DTNB: variants seen among roughly 807,000 people sequenced by gnomAD.
DTNB encodes the protein dystrobrevin beta.
A neutral mutation model predicts 90.7 loss-of-function variants in DTNB; 63 were observed. That is an observed-to-expected ratio of 0.69 (90% CI 0.57 to 0.86). DTNB has a LOEUF of 0.86. DTNB is among the 40% of genes least tolerant of loss of function. The pLI is 0.00. For missense variants in DTNB, 744 were observed against 807.1 expected, an observed-to-expected ratio of 0.92 and a Z score of 0.95; for synonymous variants, 277 against 286.7, an observed-to-expected ratio of 0.97 and a Z score of 0.34.
At chr2:25,535,441 C>T (rs1373858447) in intron 8 of DTNB, among the ~76,000 whole-genome samples, 2 of 149,300 alleles carry the variant, frequency 1.3e-5, no homozygotes, top group Non-Finnish European at 3.0e-5. Flanking sequence ...AGGCGCTCCT[C>T]ACCTCCCATT....
At chr2:25,392,973 G>C (rs1410646384) in intron 16 of DTNB, among the ~76,000 whole-genome samples, 1 of 152,160 alleles carries the variant, frequency 6.6e-6, no homozygotes, top group Non-Finnish European at 1.5e-5. Flanking sequence ...TATCCCTGAT[G>C]CACAAATCCT....
intron 16 of DTNB, among the ~76,000 whole-genome samples, chr2:25,402,968 A>G (rs13010028): frequency 1.3e-5 from 2 of 152,360 alleles, no homozygotes; most frequent in East Asian, 1.9e-4. Flanking sequence ...ACAAAGAACA[A>G]CCTATTAAAA....
rs555155905 is a variant in DTNB, at chr2:25,496,084, ATC to A, written c.1002-13213_1002-13212del. 3.8e-3 allele frequency among the ~76,000 whole-genome samples: 585 copies of A among 152,342 alleles called. 4 individuals are homozygous for A. The highest frequency in any genetic ancestry group is 0.013 in the African/African-American group (550 of 41,574). ...TAGAGACATGGAGAGGAAGCCAAAT[ATC>A]TCTCTAGCTCTAGAAAGGGACAGAA... On this transcript the variant is annotated intron_variant, in intron 9 of 20. Coordinates refer to ENST00000406818, the MANE Select transcript of DTNB (RefSeq NM_021907.5).
intron 8 of DTNB, among the ~76,000 whole-genome samples, chr2:25,573,504 T>C (rs1437636032): frequency 6.6e-6 from 1 of 152,204 alleles, no homozygotes; most frequent in Non-Finnish European, 1.5e-5. Flanking sequence ...TGTTTTTCCT[T>C]TCACTGCCCC....
intron 10 of DTNB, among the ~76,000 whole-genome samples, chr2:25,470,892 A>G (rs1252650530): frequency 6.8e-6 from 1 of 146,216 alleles, no homozygotes; most frequent in Non-Finnish European, 1.5e-5. Context: ...CTCTGTCACT[A>G]AAAAAAAATA....
At chr2:25,542,833 AT>A (rs2081572943) in intron 8 of DTNB, among the ~76,000 whole-genome samples, 1 of 151,742 alleles carries the variant, frequency 6.6e-6, no homozygotes, top group Non-Finnish European at 1.5e-5. Flanking sequence ...TTTATCCTTG[AT>A]TTCCCAGAGA....
At chr2:25,435,313 G>A (rs1414174579) in intron 12 of DTNB, among the ~76,000 whole-genome samples, 1 of 152,088 alleles carries the variant, frequency 6.6e-6, no homozygotes, top group Non-Finnish European at 1.5e-5. Context: ...GAGCCATCAG[G>A]CTTGGCCGAA....
chr2:25,477,892 C>G (rs1280821000), intron 10 of DTNB, among the ~76,000 whole-genome samples: 2 of 152,030 alleles, frequency 1.3e-5, no homozygotes, highest in African/African-American at 4.8e-5. Flanking sequence ...GCTTGTCTTA[C>G]TTTTAGCCTA....
At chr2:25,570,406 CAAAAAAAAAA>C (rs146251976) in intron 8 of DTNB, among the ~76,000 whole-genome samples, 36,402 of 91,400 alleles carry the variant, frequency 0.4, 5,569 homozygotes, top group Middle Eastern at 0.52. Context: ...TTTCCTGTCT[CAAAAAAAAAA>C]AAAAAAAAAA....
chr2:25,526,395 A>ATATATATTTTT, intron 9 of DTNB, among the ~76,000 whole-genome samples: 1,165 of 49,786 alleles, frequency 0.023, 29 homozygotes, highest in East Asian at 0.056. Context: ...ATATATATAT[A>ATATATATTTTT]TTTTTTTTTT....
At position 25,387,519 on chromosome 2, in the gene DTNB, C is replaced by A; in HGVS notation, c.1736-141G>T. 1.4e-6 allele frequency: 1 copy of A among 698,244 alleles called. No homozygotes were observed. Among genetic ancestry groups the A allele is most frequent in the Admixed American group, 2.6e-5 (1 of 38,554 alleles). 43.3% of individuals were successfully genotyped at this position (698,244 alleles called of 1,614,324 possible). The stretch of plus-strand genomic sequence containing the variant: ...GGAGATGGGGCCACAGCAGCTCCAC[C>A]CATTCCCAGGCACACCGGGGGCAGG... On this transcript the variant is annotated intron_variant, in intron 17 of 20. Transcript: ENST00000406818. The surrounding 1 kb of genome is among the most constrained non-coding windows in gnomAD (Gnocchi z 4.5).
chr2:25,648,640 G>T (rs954404454), intron 2 of DTNB, among the ~76,000 whole-genome samples: 1 of 152,084 alleles, frequency 6.6e-6, no homozygotes, highest in Admixed American at 6.6e-5. Context: ...CAATGGCAGA[G>T]TTGAGTAGTG....
intron 1 of DTNB, among the ~76,000 whole-genome samples, chr2:25,667,079 G>C (rs2084625615): frequency 6.6e-6 from 1 of 151,716 alleles, no homozygotes; most frequent in Non-Finnish European, 1.5e-5. Flanking sequence ...GGCCCAGTAG[G>C]TCAGCTGAAG....
intron 11 of DTNB, among the ~76,000 whole-genome samples, chr2:25,452,086 G>C (rs1260657460): frequency 6.6e-6 from 1 of 152,230 alleles, no homozygotes; most frequent in Non-Finnish European, 1.5e-5. Flanking sequence ...TGCCAGGGCA[G>C]GCCAAACACA....
chr2:25,672,615 TGGGAAAA>T (rs1386080860), intron 1 of DTNB, among the ~76,000 whole-genome samples: 1 of 152,108 alleles, frequency 6.6e-6, no homozygotes, highest in African/African-American at 2.4e-5. Context: ...TTCCCAATAC[TGGGAAAA>T]GACAAAAGAG....
chr2:25,663,772 C>T (rs1197904667), intron 1 of DTNB, among the ~76,000 whole-genome samples: 3 of 152,174 alleles, frequency 2.0e-5, no homozygotes, highest in Non-Finnish European at 4.4e-5. Context: ...TCTTCAGCAA[C>T]GTGTTCTACC....
At chr2:25,422,032 GC>G (rs2049886294) in intron 15 of DTNB, among the ~76,000 whole-genome samples, 4 of 152,204 alleles carry the variant, frequency 2.6e-5, no homozygotes, top group South Asian at 2.1e-4. Context: ...TTCAGATAAA[GC>G]CCTTAAGGCT....
intron 16 of DTNB, among the ~76,000 whole-genome samples, chr2:25,388,910 G>T (rs769611545): frequency 6.6e-6 from 1 of 151,794 alleles, no homozygotes; most frequent in African/African-American, 2.4e-5. Context: ...GCAGTGGCAC[G>T]ATCTCAGCTC....
At chr2:25,563,746 A>G (rs1204245643) in intron 8 of DTNB, among the ~76,000 whole-genome samples, 2 of 152,238 alleles carry the variant, frequency 1.3e-5, no homozygotes, top group African/African-American at 2.4e-5. Flanking sequence ...ACCCTCATTG[A>G]AAAATCGACA....
Sources: allele counts gnomAD v4.1 joint callset (sites outside exome capture counted in the v4.1 genomes callset), GRCh38; gene constraint gnomAD v4.1.1; non-coding constraint Gnocchi (gnomAD v3.1); transcripts MANE v1.5; gene names NCBI Gene and HGNC (gene_info 2026-07-23, HGNC 2026-07-21).